The following COLEC12 variants were observed in gnomAD, a reference collection of about 807,000 sequenced individuals.
COLEC12 encodes the protein collectin subfamily member 12, also known as collectin-12.
Under a neutral mutation model 71.1 loss-of-function variants are expected in COLEC12, and 33 were observed. That is an observed-to-expected ratio of 0.46 (90% CI 0.35 to 0.62). COLEC12 has a LOEUF of 0.62. Among genes scored for constraint, COLEC12 ranks in the 20% least tolerant of loss-of-function variants. The pLI is 0.00. For synonymous variants in COLEC12, 350 were observed against 353.0 expected (o/e 0.99, Z 0.10); for missense variants, 765 against 916.1 (o/e 0.84, Z 2.13).
At chr18:451,318 C>T (rs1228370776) in intron 2 of COLEC12, among the ~76,000 whole-genome samples, 1 of 152,034 alleles carries the variant, frequency 6.6e-6, no homozygotes, top group East Asian at 1.9e-4. Flanking sequence ...GAAATTAGAG[C>T]TTATATTTAA....
chr18:324,888 C>A (rs1913800355), intron 8 of COLEC12, among the ~76,000 whole-genome samples: 1 of 151,782 alleles, frequency 6.6e-6, no homozygotes, highest in African/African-American at 2.4e-5. Context: ...TGGAACAGAA[C>A]CTTTAACATC....
At chr18:454,147 A>T (rs1916817556) in intron 2 of COLEC12, among the ~76,000 whole-genome samples, 1 of 124,252 alleles carries the variant, frequency 8.0e-6, no homozygotes, top group South Asian at 2.6e-4. Context: ...TGGTCTCAAC[A>T]TATTCTAGCC....
At chr18:427,199 G>C (rs1192536512) in intron 2 of COLEC12, among the ~76,000 whole-genome samples, 2 of 152,162 alleles carry the variant, frequency 1.3e-5, no homozygotes, top group African/African-American at 4.8e-5. Context: ...ACTGGGGCTG[G>C]CTCAGCTACT....
intron 2 of COLEC12, among the ~76,000 whole-genome samples, chr18:451,560 A>G (rs1192243534): frequency 6.6e-6 from 1 of 152,160 alleles, no homozygotes; most frequent in Non-Finnish European, 1.5e-5. Flanking sequence ...AGCCTGGATG[A>G]TATGATAAAA....
At chr18:350,205 G>A (rs182536447) in intron 3 of COLEC12, among the ~76,000 whole-genome samples, 1 of 152,294 alleles carries the variant, frequency 6.6e-6, no homozygotes, top group Non-Finnish European at 1.5e-5. Flanking sequence ...TGAATCATGG[G>A]GGCGGTTTCC....
chr18:410,532 G>C (rs1275663951), intron 2 of COLEC12, among the ~76,000 whole-genome samples: 1 of 151,790 alleles, frequency 6.6e-6, no homozygotes, highest in African/African-American at 2.4e-5. Context: ...TCCACCTCCT[G>C]GGTTCAAGTG....
At chr18:466,320 A>G (rs996581237) in intron 2 of COLEC12, among the ~76,000 whole-genome samples, 6 of 152,224 alleles carry the variant, frequency 3.9e-5, no homozygotes, top group African/African-American at 1.4e-4. Context: ...GGACCTTCAG[A>G]GCAGTTACGT....
At chr18:426,338 G>C (rs1916198268) in intron 2 of COLEC12, among the ~76,000 whole-genome samples, 1 of 152,198 alleles carries the variant, frequency 6.6e-6, no homozygotes, top group Non-Finnish European at 1.5e-5. Flanking sequence ...GACCCTTCCA[G>C]GTTATGTGAT....
At chr18:416,229 G>A (rs528704714) in intron 2 of COLEC12, among the ~76,000 whole-genome samples, 361 of 152,130 alleles carry the variant, frequency 2.4e-3, no homozygotes, top group Non-Finnish European at 3.8e-3. Flanking sequence ...TTCATTTTGG[G>A]GATTGTTTCA....
At chr18:374,566 T>C (rs1915072187) in intron 2 of COLEC12, among the ~76,000 whole-genome samples, 1 of 152,206 alleles carries the variant, frequency 6.6e-6, no homozygotes. Context: ...GAACTTGTGA[T>C]ACCTGGCCTC....
intron 2 of COLEC12, among the ~76,000 whole-genome samples, chr18:401,977 A>G (rs1915696314): frequency 6.6e-6 from 1 of 152,144 alleles, no homozygotes; most frequent in African/African-American, 2.4e-5. Context: ...AACGTGATAT[A>G]CTTTAAGGCA....
At chr18:446,334 T>G (rs1916649635) in intron 2 of COLEC12, among the ~76,000 whole-genome samples, 1 of 152,158 alleles carries the variant, frequency 6.6e-6, no homozygotes, top group South Asian at 2.1e-4. Context: ...GTGAAACTGC[T>G]GGGTCATATG....
rs533251811 is a variant in COLEC12 at position 364,021 on chromosome 18, T to C, written c.59-6499A>G. Among the ~76,000 whole-genome samples the C allele has an allele frequency of 2.6e-5, 4 of 152,320 alleles. No homozygotes were observed. In the East Asian group the frequency reaches 7.7e-4, roughly 29 times the overall value. ...AAAGATGTGTTCAAACCGGAAAAGT[T>C]ACTTAGAAGAGAGTTTTATGACAGC... On this transcript the variant is annotated intron_variant, in intron 2 of 9. Coordinates refer to ENST00000400256, the MANE Select transcript of COLEC12 (RefSeq NM_130386.3).
intron 2 of COLEC12, among the ~76,000 whole-genome samples, chr18:409,604 G>A (rs538078550): frequency 6.6e-6 from 1 of 152,306 alleles, no homozygotes; most frequent in South Asian, 2.1e-4. Flanking sequence ...TTTTATTTAT[G>A]ATTTTGTAGG....
At chr18:420,105 C>T (rs9303946) in intron 2 of COLEC12, among the ~76,000 whole-genome samples, 35,844 of 152,016 alleles carry the variant, frequency 0.24, 4,537 homozygotes, top group Middle Eastern at 0.32. Context: ...TGGATTGTGG[C>T]GCAGAGGAGA....
chr18:350,381 C>A (rs1447754100), intron 3 of COLEC12, among the ~76,000 whole-genome samples: 1 of 152,180 alleles, frequency 6.6e-6, no homozygotes, highest in Non-Finnish European at 1.5e-5. Flanking sequence ...TCCAGTTAAA[C>A]CTCTTGTTCT....
At position 357,488 on chromosome 18, in the gene COLEC12, T is replaced by G; in HGVS notation, c.93A>C (p.Lys31Asn). 1 of 1,592,532 alleles carries G rather than the reference T, an allele frequency of 6.3e-7. No homozygotes were observed. The highest frequency in any genetic ancestry group is 8.6e-7 in the Non-Finnish European group (1 of 1,168,424). Residue 31 changes from lysine to asparagine, a missense_variant, in exon 3 of 10, where the codon AAA becomes AAC. Physicochemically the swap from Lys to Asn is moderately conservative, Grantham distance 94. Transcript: ENST00000400256. The stretch of plus-strand genomic sequence containing the variant: ...TAGAAAACTTCAGTGCCCAGTTATT[T>G]TTACATTTGGTACATTGTGTTCCTT... ...IQEGTQCTKC[K>N]NNWALKFSII...
At chr18:477,474 C>T (rs1429033228) in intron 2 of COLEC12, among the ~76,000 whole-genome samples, 1 of 148,056 alleles carries the variant, frequency 6.8e-6, no homozygotes, top group Non-Finnish European at 1.5e-5. Flanking sequence ...TCTATGTCAC[C>T]CAGTCTATTT....
At chr18:356,169 C>G (rs1047207978) in intron 3 of COLEC12, among the ~76,000 whole-genome samples, 2 of 152,196 alleles carry the variant, frequency 1.3e-5, no homozygotes, top group Non-Finnish European at 2.9e-5. Context: ...CAGAGAGATA[C>G]AGATATGATT....
Sources: gnomAD v4.1 joint callset for allele counts (sites outside exome capture counted in the v4.1 genomes callset) on GRCh38, gnomAD v4.1.1 for gene constraint, MANE v1.5 for transcripts, NCBI Gene and HGNC (gene_info 2026-07-23, HGNC 2026-07-21) for gene names.